The following ARSH variants were observed in gnomAD, a reference collection of about 807,000 sequenced individuals.
ARSH encodes the protein arylsulfatase family member H, also known as arylsulfatase H.
In ARSH, 32 loss-of-function variants were observed where a neutral mutation model predicts 28.7. That is an observed-to-expected ratio of 1.11 (90% confidence interval 0.84 to 1.50). The LOEUF is 1.50. Ranked by LOEUF, ARSH falls within the 40% of genes most tolerant of loss-of-function variation. The pLI is 0.00. For synonymous variants in ARSH, 176 were observed against 177.3 expected (o/e 0.99, Z 0.06); for missense variants, 440 against 452.4 (o/e 0.97, Z 0.25).
At position 3,027,476 on chromosome X, in the gene ARSH, G is replaced by C. The variant is rs1021396640; in HGVS notation, c.1199+1G>C. On this transcript the variant is annotated splice_donor_variant, in intron 7 of 8. Coordinates refer to ENST00000381130, the MANE Select transcript of ARSH (RefSeq NM_001011719.2). LOFTEE classifies it high-confidence loss of function. The stretch of plus-strand genomic sequence containing the variant: ...GCGGAGGGATCTTGTCCCAGGACAG[G>C]TATGGAAACAGTGTTTGCTCCTAAC... The C allele has an allele frequency of 1.7e-6, 2 of 1,206,857 alleles. No homozygotes were observed. Among genetic ancestry groups the C allele is most frequent in the African/African-American group, 3.5e-5 (2 of 57,156 alleles).
rs759928564 is a variant in ARSH at position 3,032,830 on chromosome X, G to A, written c.1322-188G>A. Among the ~76,000 whole-genome samples the A allele has an allele frequency of 3.6e-5, 4 of 112,054 alleles. No homozygotes were observed. In the East Asian group the frequency reaches 1.1e-3, roughly 31 times the overall value. On this transcript the variant is annotated intron_variant, in intron 8 of 8. Coordinates refer to ENST00000381130, the MANE Select transcript of ARSH (RefSeq NM_001011719.2). ...TTCTCATGACAAGATTTCTAAAAAT[G>A]TCTGCAAGTTTGCAGTGAAATTGTG...
intron 5 of ARSH, among the ~76,000 whole-genome samples, chrX:3,020,700 C>T (rs1040232760): frequency 3.9e-4 from 43 of 108,978 alleles, no homozygotes; most frequent in African/African-American, 1.3e-3. Context: ...AAGGGAAAAA[C>T]TTATGGGCTT....
At position 3,018,670 on chromosome X, in the gene ARSH, G is replaced by A; in HGVS notation, c.901G>A (p.Gly301Ser). The change falls in exon 5 of 9, where the codon GGT (glycine) becomes AGT (serine). Residue 301 changes from glycine to serine, a missense_variant and splice_region_variant. Physicochemically the swap from Gly to Ser is moderately conservative, Grantham distance 56 (BLOSUM62 0). Coordinates refer to ENST00000381130, the MANE Select transcript of ARSH (RefSeq NM_001011719.2). ...TGTAGAAGAAATGGATTGGATGGTG[G>A]GTAAGTATTCAGTAACAGAACTGTA... ...DNVEEMDWMV[G>S]KILDALDQER... The A allele has an allele frequency of 2.5e-6, 3 of 1,209,195 alleles. No homozygotes were observed. Among genetic ancestry groups the A allele is most frequent in the Non-Finnish European group, 3.4e-6 (3 of 893,990 alleles).
chrX:3,013,425 G>A (rs958486878), intron 3 of ARSH, among the ~76,000 whole-genome samples: 5 of 111,367 alleles, frequency 4.5e-5, no homozygotes, highest in African/African-American at 1.6e-4. Context: ...GGAATGTTGT[G>A]TTGGAGGGAT....
At chrX:3,014,481 G>A (rs1490896132) in intron 3 of ARSH, among the ~76,000 whole-genome samples, 1 of 110,944 alleles carries the variant, frequency 9.0e-6, no homozygotes, top group Non-Finnish European at 1.9e-5. Flanking sequence ...TAGAAGAGGT[G>A]TTCCATCTAT....
At chrX:3,031,339 C>T (rs970659925) in intron 8 of ARSH, among the ~76,000 whole-genome samples, 4 of 111,563 alleles carry the variant, frequency 3.6e-5, no homozygotes, top group Admixed American at 9.6e-5. Flanking sequence ...CATGACCTGC[C>T]GGGTGGTTGC....
At chrX:3,027,547 ATGTGTGTG>A in intron 7 of ARSH, 72 bp downstream of exon 7, 1 of 1,043,429 alleles carries the variant, frequency 9.6e-7, no homozygotes, top group Non-Finnish European at 1.3e-6. Context: ...TGATAATTCT[ATGTGTGTG>A]TGTATGTACA....
Position 3,029,235 on chromosome X carries a change from T to C in ARSH, c.1200-12T>C, listed in dbSNP as rs781358983. 8.3e-7 allele frequency: 1 copy of C among 1,202,181 alleles called. No individual in the cohort carries two copies. The highest frequency in any genetic ancestry group is 1.8e-5 in the South Asian group (1 of 55,708). On this transcript the variant is annotated splice_polypyrimidine_tract_variant and intron_variant, in intron 7 of 8. Transcript: ENST00000381130. Reference sequence around the variant, plus strand: ...CTCTCATCACCTTCTACACACCCCCTTCTCTCCCAAGAGTGATTGACGGCC... The same window carrying C: ...CTCTCATCACCTTCTACACACCCCCCTCTCTCCCAAGAGTGATTGACGGCC...
chrX:3,007,041 C>T (rs931124598), intron 1 of ARSH, among the ~76,000 whole-genome samples: 5 of 108,950 alleles, frequency 4.6e-5, no homozygotes, highest in East Asian at 2.9e-4. Context: ...CAGGAGTTTG[C>T]GATCAGCCTG....
chrX:3,029,071 C>A (rs1295348764), intron 7 of ARSH, among the ~76,000 whole-genome samples, 176 bp from the exon 8 acceptor site: 2 of 98,510 alleles, frequency 2.0e-5, no homozygotes, highest in Admixed American at 2.1e-4. Context: ...GAGCAAGACT[C>A]CATTTCAAAA....
At chrX:3,006,799 A>G in intron 1 of ARSH, 95 bp downstream of exon 1, 1 of 750,410 alleles carries the variant, frequency 1.3e-6, no homozygotes, top group Non-Finnish European at 1.9e-6. Flanking sequence ...TTCTGGAGAG[A>G]AGTCATTGTC....
rs1211247231 is a variant in ARSH, at chrX:3,010,744, C to G, written c.214+593C>G. 1.8e-5 allele frequency among the ~76,000 whole-genome samples: 2 copies of G among 111,979 alleles called. 1 individual carries two copies. Among genetic ancestry groups the G allele is most frequent in the African/African-American group, 6.5e-5 (2 of 30,838 alleles). ...TATGAACAACAATTTTTATACCCAG[C>G]TAAAATATAGTGGTGCCCTTAGACA... On this transcript the variant is annotated intron_variant, in intron 2 of 8. Transcript: ENST00000381130.
intron 1 of ARSH, among the ~76,000 whole-genome samples, chrX:3,007,639 G>A (rs922495105): frequency 1.8e-5 from 2 of 109,750 alleles, no homozygotes; most frequent in Non-Finnish European, 3.8e-5. Context: ...TCTTCACAGG[G>A]TCGTCCCTCT....
intron 8 of ARSH, among the ~76,000 whole-genome samples, chrX:3,032,393 GAGGAAGGAAAGGA>G (rs374289278): frequency 0.11 from 11,583 of 104,526 alleles, 670 homozygotes; most frequent in African/African-American, 0.15. Flanking sequence ...GGGAGGGAGG[GAGGAAGGAAAGGA>G]AGGAAGGAAA....
At position 3,018,619 on chromosome X, in the gene ARSH, A is replaced by G. The variant is rs767908387; in HGVS notation, c.850A>G (p.Ser284Gly). ...CTCCAAAAAGAAGTTTGTTGGGCGC[A>G]GTAAATATGGCAGGTATGGGGACAA... ...LISKKKFVGR[S>G]KYGRYGDNVE... The change falls in exon 5 of 9, where the codon AGT (serine) becomes GGT (glycine). Residue 284 changes from serine (S) to glycine (G), a missense_variant. Coordinates refer to ENST00000381130, the MANE Select transcript of ARSH (RefSeq NM_001011719.2). 1.7e-6 allele frequency: 2 copies of G among 1,209,175 alleles called. No homozygotes were observed. Among genetic ancestry groups the G allele is most frequent in the Admixed American group, 2.2e-5 (1 of 45,602 alleles).
intron 2 of ARSH, among the ~76,000 whole-genome samples, chrX:3,012,568 A>AATATATAT (rs1183166715): frequency 2.3e-4 from 5 of 21,812 alleles, no homozygotes; most frequent in African/African-American, 1.0e-3. Context: ...AAAAAAAAAA[A>AATATATAT]ATATATATAT....
At chrX:3,024,285 A>C in intron 6 of ARSH, 130 bp downstream of exon 6, 3 of 666,266 alleles carry the variant, frequency 4.5e-6, no homozygotes, top group Non-Finnish European at 6.0e-6. Context: ...ATTAAGCTAG[A>C]CCGAAAAAAA....
chrX:3,026,548 A>G (rs1189981262), intron 6 of ARSH, among the ~76,000 whole-genome samples: 1 of 112,042 alleles, frequency 8.9e-6, no homozygotes, highest in Admixed American at 9.5e-5. Flanking sequence ...ATTTTTTCTT[A>G]AAGAGTCTAG....
chrX:3,008,481 CTTT>C, intron 1 of ARSH, among the ~76,000 whole-genome samples: 1 of 99,863 alleles, frequency 1.0e-5, no homozygotes, highest in East Asian at 3.1e-4. Context: ...TTCTTTCTTT[CTTT>C]CTTTCTTTCT....
Sources: gnomAD v4.1 joint callset for allele counts (sites outside exome capture counted in the v4.1 genomes callset) on GRCh38, gnomAD v4.1.1 for gene constraint, MANE v1.5 for transcripts, NCBI Gene and HGNC (gene_info 2026-07-23, HGNC 2026-07-21) for gene names.